RAI1: variants seen among roughly 807,000 people sequenced by gnomAD.
RAI1 encodes retinoic acid-induced protein 1.
RAI1 carries 9 observed loss-of-function variants against 123.8 expected under a neutral mutation model. The observed-to-expected ratio is 0.07, with a 90% CI of 0.04 to 0.13. The LOEUF (loss-of-function observed/expected upper bound fraction) is 0.13. Ranked by LOEUF, RAI1 falls within the 10% of genes least tolerant of loss-of-function variation. The pLI, the probability that RAI1 is intolerant of heterozygous loss-of-function variation, is 1.00. For missense variants in RAI1, 2,256 were observed against 2,545.8 expected, an observed-to-expected ratio of 0.89 and a Z score of 2.45; for synonymous variants, 1,231 against 1,127.3, an observed-to-expected ratio of 1.09 and a Z score of -1.84.
chr17:17,716,498 G>A (rs915504645), intron 1 of RAI1, among the ~76,000 whole-genome samples: 5 of 152,268 alleles, frequency 3.3e-5, no homozygotes, highest in Non-Finnish European at 7.3e-5. Context: ...GTTTCTGGAT[G>A]TGTGTGCCCA....
chr17:17,800,082 G>C lies in RAI1; in HGVS notation c.5565+1569G>C, dbSNP rs1402115717. Among the ~76,000 whole-genome samples, 2 of 152,074 alleles carry C rather than the reference G, an allele frequency of 1.3e-5. No individual in the cohort carries two copies. On this transcript the variant is annotated intron_variant, in intron 3 of 5. Transcript: ENST00000353383. The surrounding 1 kb of genome is among the most constrained non-coding windows in gnomAD (Gnocchi z 4.7). ...GACTCCTGCAGGTTCCTGGTGCCGC[G>C]GGCCTTGCTTACCCAGCAGATGGTG...
rs140054177 is a variant in RAI1, at chr17:17,687,795, C to T, written c.-149+6002C>T. ...TTGTAATCCCAGCACTTTGGGAGGC[C>T]GAGGCAGGCGGATCACTTGAGGTCA... On this transcript the variant is annotated intron_variant, in intron 1 of 5. Coordinates refer to ENST00000353383, the MANE Select transcript of RAI1 (RefSeq NM_030665.4). 1.2e-4 allele frequency among the ~76,000 whole-genome samples: 18 copies of T among 152,014 alleles called. No individual in the cohort carries two copies. In the South Asian group the frequency reaches 2.1e-3, roughly 18 times the overall value.
At chr17:17,784,926 C>T (rs547773133) in intron 2 of RAI1, among the ~76,000 whole-genome samples, 18 of 152,156 alleles carry the variant, frequency 1.2e-4, no homozygotes, top group Non-Finnish European at 2.2e-4. Context: ...ACCCAGGCTG[C>T]TGCTTACATG....
At chr17:17,789,419 G>A (rs2031936878) in intron 2 of RAI1, among the ~76,000 whole-genome samples, 2 of 152,234 alleles carry the variant, frequency 1.3e-5, no homozygotes, top group Non-Finnish European at 2.9e-5. Flanking sequence ...AAAGGGCTGA[G>A]GTCTTTGCCT....
At chr17:17,695,531 CTTTTTT>C (rs10692662) in intron 1 of RAI1, among the ~76,000 whole-genome samples, 1 of 145,466 alleles carries the variant, frequency 6.9e-6, no homozygotes, top group Admixed American at 6.8e-5. Context: ...TTCTCTCTCT[CTTTTTT>C]TTTTTTTGAG....
intron 1 of RAI1, among the ~76,000 whole-genome samples, chr17:17,698,302 C>T (rs1915101866): frequency 6.6e-6 from 1 of 152,188 alleles, no homozygotes; most frequent in South Asian, 2.1e-4. Context: ...GGGTTTGTCT[C>T]CTGCCACTCA....
At chr17:17,742,103 T>C (rs2142970737) in intron 2 of RAI1, among the ~76,000 whole-genome samples, 1 of 152,364 alleles carries the variant, frequency 6.6e-6, no homozygotes, top group African/African-American at 2.4e-5. Context: ...CTTGGGTGCC[T>C]GCCGGCTCTG....
chr17:17,714,704 G>T lies in RAI1; in HGVS notation c.-148-9324G>T, dbSNP rs889658916. ...GCTGTGGGTCGAATAAGGAAGCTGAGCAGCAGGCAGCCTCTCCCCTGCAGA... is the reference window on the plus strand; with the variant it reads ...GCTGTGGGTCGAATAAGGAAGCTGATCAGCAGGCAGCCTCTCCCCTGCAGA... On this transcript the variant is annotated intron_variant, in intron 1 of 5. Coordinates refer to ENST00000353383, the MANE Select transcript of RAI1 (RefSeq NM_030665.4). The surrounding 1 kb of genome is among the most constrained non-coding windows in gnomAD (Gnocchi z 4.9). Among the ~76,000 whole-genome samples the T allele has an allele frequency of 6.6e-5, 10 of 152,200 alleles. No individual in the cohort carries two copies. Among genetic ancestry groups the T allele is most frequent in the African/African-American group, 2.4e-4 (10 of 41,464 alleles).
Position 17,810,120 on chromosome 17 carries a change from C to G in RAI1, c.*139C>G. The G allele has an allele frequency of 3.2e-6, 4 of 1,246,728 alleles. No homozygotes were observed. Among genetic ancestry groups the G allele is most frequent in the Non-Finnish European group, 4.3e-6 (4 of 926,746 alleles). The allele number at this position is 1,246,728 out of a possible 1,614,324, so 77.2% of individuals were successfully genotyped here. Reference sequence around the variant, plus strand: ...CAGAGCCGATCCTTGATCCGGGTCCCGGATCGTGGATCCGGCCGCCTAGGG... The same window carrying G: ...CAGAGCCGATCCTTGATCCGGGTCCGGGATCGTGGATCCGGCCGCCTAGGG... On this transcript the variant is annotated 3_prime_UTR_variant, in exon 6 of 6. Transcript: ENST00000353383. The surrounding 1 kb of genome is among the most constrained non-coding windows in gnomAD (Gnocchi z 4.6).
intron 3 of RAI1, among the ~76,000 whole-genome samples, chr17:17,802,511 T>G (rs1052612726): frequency 3.3e-5 from 5 of 152,172 alleles, no homozygotes; most frequent in Admixed American, 3.3e-4. Context: ...GCGCGGTGGC[T>G]CACGCCTGTA....
At chr17:17,723,353 GC>G in intron 1 of RAI1, among the ~76,000 whole-genome samples, 1 of 82,420 alleles carries the variant, frequency 1.2e-5, no homozygotes, top group South Asian at 3.8e-4. Flanking sequence ...CCCCCCCCAA[GC>G]CCCGTGACAT....
rs551827028 is a variant in RAI1 at position 17,772,127 on chromosome 17, G to A, written c.-16-20806G>A. Among the ~76,000 whole-genome samples the A allele has an allele frequency of 1.2e-4, 18 of 152,292 alleles. No homozygotes were observed. In the South Asian group the frequency reaches 3.7e-3, roughly 32 times the overall value. On this transcript the variant is annotated intron_variant, in intron 2 of 5. Transcript: ENST00000353383. ...AGACTCAAGGGTTGGCAATATGTAC[G>A]GGAGGTTGGGTGAGGCATCTTCTCC...
rs1345719437 is a variant in RAI1, at chr17:17,684,888, A to G, written c.-149+3095A>G. On this transcript the variant is annotated intron_variant, in intron 1 of 5. Transcript: ENST00000353383. Reference sequence around the variant, plus strand: ...CTGGGTTGACTCCTGGCTCCACCACATACTGAACAGGCCATTTACCTCTCT... The same window carrying G: ...CTGGGTTGACTCCTGGCTCCACCACGTACTGAACAGGCCATTTACCTCTCT... 3 of 152,146 alleles carry G rather than the reference A, an allele frequency of 2.0e-5. No homozygotes were observed. In the East Asian group the frequency reaches 5.8e-4, roughly 29 times the overall value. The allele number at this position is 152,146 out of a possible 1,614,324, so 9.4% of individuals were successfully genotyped here. A position where few individuals can be genotyped will look rare whatever the true frequency, so the allele number is the denominator to read the frequency against.
intron 2 of RAI1, among the ~76,000 whole-genome samples, chr17:17,732,717 C>T (rs1332811146): frequency 2.6e-5 from 4 of 152,192 alleles, no homozygotes; most frequent in East Asian, 1.9e-4. Context: ...TGCTGCCTGG[C>T]GGTCAGCCTT....
At position 17,793,036 on chromosome 17, in the gene RAI1, T is replaced by G; in HGVS notation, c.88T>G (p.Tyr30Asp). The G allele has an allele frequency of 6.2e-7, 1 of 1,614,116 alleles. No homozygotes were observed. Among genetic ancestry groups the G allele is most frequent in the Non-Finnish European group, 8.5e-7 (1 of 1,180,020 alleles). ...TSQETSRLEN[Y>D]RQPSQAGLSC... ...GCAGGAAACATCACGCCTAGAGAATTACAGGCAGCCGAGTCAGGCCGGGCT... is the reference window on the plus strand; with the variant it reads ...GCAGGAAACATCACGCCTAGAGAATGACAGGCAGCCGAGTCAGGCCGGGCT... Residue 30 changes from tyrosine (Y) to aspartate (D), a missense_variant, in exon 3 of 6, where the codon TAC (tyrosine) becomes GAC (aspartate). This residue lies in a region of RAI1 where 336 missense variants were observed against 349.8 expected (regional missense o/e 0.96). Coordinates refer to ENST00000353383, the MANE Select transcript of RAI1 (RefSeq NM_030665.4).
chr17:17,710,151 T>G (rs1199136961), intron 1 of RAI1, among the ~76,000 whole-genome samples: 1 of 152,128 alleles, frequency 6.6e-6, no homozygotes, highest in Non-Finnish European at 1.5e-5. Context: ...CTTTCACACA[T>G]ACACTTGGCA....
At chr17:17,723,218 C>T (rs1023654653) in intron 1 of RAI1, among the ~76,000 whole-genome samples, 1 of 151,954 alleles carries the variant, frequency 6.6e-6, no homozygotes, top group Non-Finnish European at 1.5e-5. Context: ...ATCCCACCCA[C>T]GCAGTACCTC....
intron 1 of RAI1, among the ~76,000 whole-genome samples, chr17:17,722,258 C>CGGAT (rs1353912345): frequency 8.5e-5 from 13 of 152,260 alleles, no homozygotes; most frequent in East Asian, 1.9e-4. Context: ...GATGCAGCGA[C>CGGAT]GGATGGATGG....
chr17:17,712,780 G>A (rs111486344), intron 1 of RAI1, among the ~76,000 whole-genome samples: 14 of 152,322 alleles, frequency 9.2e-5, no homozygotes, highest in Admixed American at 1.3e-4. Context: ...CAGTAAACAC[G>A]ATACTGATTC....
Sources: gnomAD v4.1 joint callset for allele counts (sites outside exome capture counted in the v4.1 genomes callset) on GRCh38, gnomAD v4.1.1 for gene constraint, gnomAD v4.1.1 regional missense constraint, Gnocchi (gnomAD v3.1) non-coding constraint, MANE v1.5 for transcripts, NCBI Gene and HGNC (gene_info 2026-07-23, HGNC 2026-07-21) for gene names.